Variants in CCDC102B observed in about 807,000 individuals in gnomAD.
CCDC102B encodes coiled-coil domain-containing protein 102B.
A neutral mutation model predicts 57.4 loss-of-function variants in CCDC102B; 75 were observed. That is an observed-to-expected ratio of 1.31 (90% CI 1.08 to 1.58). The LOEUF (loss-of-function observed/expected upper bound fraction) is 1.58. Among genes scored for constraint, CCDC102B ranks in the 40% most tolerant of loss-of-function variants. CCDC102B has a pLI of 0.00. For missense variants in CCDC102B, 636 were observed against 582.6 expected, an observed-to-expected ratio of 1.09 and a Z score of -0.94; for synonymous variants, 206 against 201.9, an observed-to-expected ratio of 1.02 and a Z score of -0.17.
In CCDC102B at chr18:68,949,709, C is replaced by T. The variant is rs192216885; in HGVS notation, c.1263+52281C>T. Among the ~76,000 whole-genome samples the T allele has an allele frequency of 4.6e-3, 705 of 152,188 alleles. 8 individuals carry two copies. The highest frequency in any genetic ancestry group is 0.016 in the African/African-American group (677 of 41,538). On this transcript the variant is annotated intron_variant, in intron 6 of 7. Coordinates refer to ENST00000360242, the MANE Select transcript of CCDC102B (RefSeq NM_024781.3). ...ATCTCCTTCTACTAAGAAATCTTTT[C>T]TCTTTCTATCCTACATGTTTTTTCG...
At chr18:68,975,390 A>T (rs564672454) in intron 6 of CCDC102B, among the ~76,000 whole-genome samples, 1 of 152,184 alleles carries the variant, frequency 6.6e-6, no homozygotes, top group Admixed American at 6.6e-5. Flanking sequence ...ATATATGTGA[A>T]CTTTCATTCT....
At chr18:68,765,324 G>GGAAAGAAAGAAAGAAAGAAA (rs1298584705) in intron 2 of CCDC102B, among the ~76,000 whole-genome samples, 41 of 60,384 alleles carry the variant, frequency 6.8e-4, no homozygotes, top group Admixed American at 1.1e-3. Context: ...AAGGAAGGAA[G>GGAAAGAAAGAAAGAAAGAAA]GAAAGAAAGA....
intron 1 of CCDC102B, among the ~76,000 whole-genome samples, chr18:68,834,432 C>CATATATAT (rs67872866): frequency 0.038 from 5,201 of 137,556 alleles, 108 homozygotes; most frequent in Non-Finnish European, 0.045. Flanking sequence ...TATGTAAATA[C>CATATATAT]ATATATATAT....
chr18:68,983,640 T>A (rs895954394), intron 6 of CCDC102B, among the ~76,000 whole-genome samples: 8 of 151,944 alleles, frequency 5.3e-5, no homozygotes, highest in Non-Finnish European at 1.2e-4. Context: ...TGAAAAAAAA[T>A]ATTTATGGAG....
At chr18:68,901,013 TA>T (rs1377962464) in intron 6 of CCDC102B, among the ~76,000 whole-genome samples, 1 of 152,170 alleles carries the variant, frequency 6.6e-6, no homozygotes, top group Non-Finnish European at 1.5e-5. Context: ...GGATCATCTA[TA>T]AATTACAGGG....
Position 69,054,107 on chromosome 18 carries a change from G to A in CCDC102B, c.1512G>A (p.Glu504=). The A allele has an allele frequency of 2.5e-6, 4 of 1,606,762 alleles. No homozygotes were observed. The highest frequency in any genetic ancestry group is 3.4e-6 in the Non-Finnish European group (4 of 1,177,946). The stretch of plus-strand genomic sequence containing the variant: ...AGAAAGAAAGAAATGAAAACTTAGA[G>A]ACTGAACTCAGGCACTTGCAAAACT... ...DEEKERNENL[E]TELRHLQNW is the part of the protein sequence containing the mutation. The change falls in exon 8 of 8, where the codon GAG becomes GAA. Residue 504 remains glutamate (E), a synonymous_variant. Coordinates refer to ENST00000360242, the MANE Select transcript of CCDC102B (RefSeq NM_024781.3).
chr18:68,718,768 G>A (rs1270236957), intron 2 of CCDC102B, among the ~76,000 whole-genome samples: 2 of 152,132 alleles, frequency 1.3e-5, no homozygotes, highest in African/African-American at 4.8e-5. Context: ...GACCCAGTGG[G>A]GCCCATCAAT....
At chr18:69,034,461 A>G (rs187973927) in intron 7 of CCDC102B, among the ~76,000 whole-genome samples, 2 of 152,124 alleles carry the variant, frequency 1.3e-5, no homozygotes, top group East Asian at 3.9e-4. Flanking sequence ...TGTTAAAAAG[A>G]TTATGATTTC....
intron 6 of CCDC102B, among the ~76,000 whole-genome samples, chr18:68,911,765 A>AAAAAAAAAAAAAAAAAAAAAAAAT (rs2040880643): frequency 6.9e-6 from 1 of 144,092 alleles, no homozygotes; most frequent in African/African-American, 2.5e-5. Flanking sequence ...AAAAAAAAAA[A>AAAAAAAAAAAAAAAAAAAAAAAAT]AAAAAAAAAA....
In CCDC102B at chr18:68,757,839, A is replaced by G. The variant is rs1245799311; in HGVS notation, c.-67+41245A>G. ...TATACTTTACCTTACCTCTGTCCCC[A>G]AAGTCAGTGCATGAGCAAATCACAT... On this transcript the variant is annotated intron_variant, in intron 2 of 3. Transcript: ENST00000578970. 3.3e-5 allele frequency among the ~76,000 whole-genome samples: 5 copies of G among 152,306 alleles called. No individual in the cohort carries two copies. In the South Asian group the frequency reaches 1.0e-3, roughly 32 times the overall value.
chr18:68,916,140 T>C (rs899080718), intron 6 of CCDC102B, among the ~76,000 whole-genome samples: 4 of 143,638 alleles, frequency 2.8e-5, no homozygotes, highest in Non-Finnish European at 4.6e-5. Flanking sequence ...TGGTTGTAGA[T>C]AAGAGAATAA....
chr18:68,951,959 C>A (rs2049710867), intron 6 of CCDC102B, among the ~76,000 whole-genome samples: 1 of 152,066 alleles, frequency 6.6e-6, no homozygotes, highest in Admixed American at 6.6e-5. Flanking sequence ...TATTTCCTTT[C>A]CATTAGTATC....
At chr18:69,045,293 G>T (rs1368233082) in intron 7 of CCDC102B, among the ~76,000 whole-genome samples, 1 of 151,942 alleles carries the variant, frequency 6.6e-6, no homozygotes, top group Non-Finnish European at 1.5e-5. Context: ...TAATGATTAT[G>T]ATAAAATGAA....
At chr18:68,735,210 C>T (rs8086693) in intron 2 of CCDC102B, among the ~76,000 whole-genome samples, 25,024 of 111,172 alleles carry the variant, frequency 0.23, 2,484 homozygotes, top group African/African-American at 0.34. Flanking sequence ...CGCCACCACA[C>T]CCGGCTAATT....
intron 2 of CCDC102B, among the ~76,000 whole-genome samples, chr18:68,837,964 A>G (rs2037458996): frequency 6.6e-6 from 1 of 152,206 alleles, no homozygotes; most frequent in Non-Finnish European, 1.5e-5. Flanking sequence ...GAATCCACAT[A>G]CTACTTAAAA....
intron 6 of CCDC102B, among the ~76,000 whole-genome samples, chr18:68,943,267 G>C (rs574169980): frequency 1.3e-5 from 2 of 151,962 alleles, no homozygotes; most frequent in South Asian, 4.2e-4. Context: ...TTTATTTTTT[G>C]TTCTTACTCA....
intron 6 of CCDC102B, among the ~76,000 whole-genome samples, chr18:69,000,144 T>C (rs112563402): frequency 1.4e-4 from 22 of 152,294 alleles, no homozygotes; most frequent in African/African-American, 5.1e-4. Context: ...AGTTTATTCT[T>C]ATGGTAATAA....
At chr18:68,889,433 T>C (rs2039998732) in intron 5 of CCDC102B, among the ~76,000 whole-genome samples, 1 of 152,190 alleles carries the variant, frequency 6.6e-6, no homozygotes, top group African/African-American at 2.4e-5. Context: ...TTTTGTTTTA[T>C]TTTGAGATGG....
At chr18:69,053,912 T>A in intron 7 of CCDC102B, 118 bp from the exon 8 acceptor site, 2 of 760,266 alleles carry the variant, frequency 2.6e-6, no homozygotes, top group Non-Finnish European at 4.1e-6. Context: ...GTGAGAATAC[T>A]TACAATCTAT....
Sources: allele counts gnomAD v4.1 joint callset (sites outside exome capture counted in the v4.1 genomes callset), GRCh38; gene constraint gnomAD v4.1.1; transcripts MANE v1.5; gene names NCBI Gene and HGNC (gene_info 2026-07-23, HGNC 2026-07-21).